Variants in NPEPPS observed in about 807,000 individuals in gnomAD.
NPEPPS encodes the protein aminopeptidase puromycin sensitive, also known as puromycin-sensitive aminopeptidase.
A neutral mutation model predicts 115.5 loss-of-function variants in NPEPPS; 14 were observed. That is an observed-to-expected ratio of 0.12 (90% confidence interval 0.08 to 0.19). The LOEUF (loss-of-function observed/expected upper bound fraction) is 0.19, where lower values mean the gene tolerates loss of function less well. Among genes scored for constraint, NPEPPS ranks in the 10% least tolerant of loss-of-function variants. NPEPPS has a pLI of 1.00. For missense variants in NPEPPS, 523 were observed against 1,110.8 expected (o/e 0.47, Z 7.52); for synonymous variants, 285 against 390.6 (o/e 0.73, Z 3.19).
chr17:47,575,617 A>ATTATTATTT (rs892263245), intron 3 of NPEPPS, among the ~76,000 whole-genome samples: 1 of 141,322 alleles, frequency 7.1e-6, no homozygotes, highest in Non-Finnish European at 1.5e-5. Flanking sequence ...TATTATTATT[A>ATTATTATTT]TTTTTGAGAT....
chr17:47,596,892 AC>A (rs889225384), intron 13 of NPEPPS, among the ~76,000 whole-genome samples: 2 of 152,220 alleles, frequency 1.3e-5, no homozygotes, highest in African/African-American at 4.8e-5. Flanking sequence ...TACTAAAAAT[AC>A]AGAAATTAGC....
chr17:47,568,676 A>G (rs551179184), intron 2 of NPEPPS, among the ~76,000 whole-genome samples: 4 of 150,674 alleles, frequency 2.7e-5, no homozygotes, highest in African/African-American at 9.8e-5. Flanking sequence ...TTTTTTTGAG[A>G]CAGAGTTTCT....
chr17:47,565,020 A>T (rs1348465547), intron 2 of NPEPPS, among the ~76,000 whole-genome samples: 2 of 152,182 alleles, frequency 1.3e-5, no homozygotes, highest in Non-Finnish European at 2.9e-5. Flanking sequence ...ACAGATACTT[A>T]CTGAACACAC....
At chr17:47,554,643 A>AG (rs1366433570) in intron 2 of NPEPPS, among the ~76,000 whole-genome samples, 2 of 152,152 alleles carry the variant, frequency 1.3e-5, no homozygotes, top group Admixed American at 6.6e-5. Flanking sequence ...TACAGGCATG[A>AG]GCCACTGTGC....
At chr17:47,523,565 C>T (rs1451526840) in intron 1 of NPEPPS, among the ~76,000 whole-genome samples, 3 of 152,096 alleles carry the variant, frequency 2.0e-5, no homozygotes, top group Admixed American at 1.3e-4. Flanking sequence ...TGATTACAGG[C>T]ACCCGCCACC....
intron 1 of NPEPPS, among the ~76,000 whole-genome samples, chr17:47,525,978 A>C (rs941967657): frequency 1.3e-5 from 2 of 152,202 alleles, no homozygotes; most frequent in Non-Finnish European, 2.9e-5. Flanking sequence ...TGGGAGGCCG[A>C]AGCAGGCAGA....
intron 2 of NPEPPS, among the ~76,000 whole-genome samples, chr17:47,555,648 T>C (rs1184890955): frequency 6.6e-6 from 1 of 151,798 alleles, no homozygotes; most frequent in East Asian, 1.9e-4. Flanking sequence ...CGCCCGGCCA[T>C]GTATGCTGTT....
At chr17:47,582,196 A>T (rs1210131928) in intron 4 of NPEPPS, 2 of 154,204 alleles carry the variant, frequency 1.3e-5, no homozygotes, top group African/African-American at 4.8e-5. Context: ...AAGTGGCGAC[A>T]GTTTTATGTG....
intron 1 of NPEPPS, among the ~76,000 whole-genome samples, chr17:47,535,511 A>G (rs1416129403): frequency 6.8e-6 from 1 of 146,834 alleles, no homozygotes; most frequent in Non-Finnish European, 1.5e-5. Flanking sequence ...AGATCGCGCC[A>G]CGCACTCCAG....
chr17:47,609,222 A>G (rs1913699563), intron 17 of NPEPPS, among the ~76,000 whole-genome samples: 1 of 152,184 alleles, frequency 6.6e-6, no homozygotes, highest in Non-Finnish European at 1.5e-5. Flanking sequence ...AATAATCAAG[A>G]GGAGTTGAGG....
chr17:47,622,739 A>AT lies in NPEPPS; in HGVS notation c.*820dup. Reference sequence around the variant, plus strand: ...ATTTTTTTCTTTTTAAAGATGACTTATAAGAACCCTGAAATTTATATAGGT... The same window carrying AT: ...ATTTTTTTCTTTTTAAAGATGACTTATTAAGAACCCTGAAATTTATATAGGT... On this transcript the variant is annotated 3_prime_UTR_variant, in exon 23 of 23. Transcript: ENST00000322157. 1 of 400,986 alleles carries AT rather than the reference A, an allele frequency of 2.5e-6. No homozygotes were observed. Among genetic ancestry groups the AT allele is most frequent in the Non-Finnish European group, 4.7e-6 (1 of 211,442 alleles). The allele number at this position is 400,986 out of a possible 1,614,324, so 24.8% of individuals were successfully genotyped here.
intron 2 of NPEPPS, among the ~76,000 whole-genome samples, chr17:47,564,656 A>G (rs1910680560): frequency 6.7e-6 from 1 of 148,328 alleles, no homozygotes; most frequent in Non-Finnish European, 1.5e-5. Context: ...TTACTATAAT[A>G]TATAAATATA....
intron 2 of NPEPPS, among the ~76,000 whole-genome samples, chr17:47,568,970 A>G (rs1449953671): frequency 6.6e-6 from 1 of 152,062 alleles, no homozygotes; most frequent in Non-Finnish European, 1.5e-5. Flanking sequence ...AAAGAATTTT[A>G]CCAGAAGTGG....
chr17:47,613,651 AT>A lies in NPEPPS; in HGVS notation c.2239-12del. 1.3e-6 allele frequency: 2 copies of A among 1,594,190 alleles called. No homozygotes were observed. Among genetic ancestry groups the A allele is most frequent in the Non-Finnish European group, 1.7e-6 (2 of 1,163,930 alleles). Reference sequence around the variant, plus strand: ...CAAGGTACATTTAATCAAATGACTTATTTTTTGTCCCTTGTAGGTCTATCTG... The same window carrying A: ...CAAGGTACATTTAATCAAATGACTTATTTTTGTCCCTTGTAGGTCTATCTG... On this transcript the variant is annotated splice_polypyrimidine_tract_variant and intron_variant, in intron 18 of 22. Coordinates refer to ENST00000322157, the MANE Select transcript of NPEPPS (RefSeq NM_006310.4).
rs1912579425 is a variant in NPEPPS at position 47,592,626 on chromosome 17, G to C, written c.1426+81G>C. The C allele has an allele frequency of 2.3e-5, 29 of 1,263,478 alleles. No individual in the cohort carries two copies. In the South Asian group the frequency reaches 3.8e-4, roughly 17 times the overall value. The allele number at this position is 1,263,478 out of a possible 1,614,324, so 78.3% of individuals were successfully genotyped here. A position where few individuals can be genotyped will look rare whatever the true frequency, so the allele number is the denominator to read the frequency against. ...GGCTGGGACATTTTATTTTTGTTCT[G>C]AATACTTAAGGTCAGGATCCATGTA... On this transcript the variant is annotated intron_variant, in intron 12 of 22. Transcript: ENST00000322157.
intron 2 of NPEPPS, among the ~76,000 whole-genome samples, chr17:47,558,875 A>T (rs934852645): frequency 3.5e-4 from 53 of 152,236 alleles, no homozygotes; most frequent in South Asian, 3.3e-3. Flanking sequence ...TCTACTAAAA[A>T]TACAAAAAAT....
intron 1 of NPEPPS, among the ~76,000 whole-genome samples, chr17:47,543,249 T>G (rs1056605990): frequency 4.0e-5 from 6 of 151,794 alleles, no homozygotes; most frequent in African/African-American, 1.5e-4. Context: ...AAAAGATGCG[T>G]AGTAACCAAT....
At chr17:47,538,112 T>C (rs546767524) in intron 1 of NPEPPS, among the ~76,000 whole-genome samples, 7 of 151,314 alleles carry the variant, frequency 4.6e-5, no homozygotes, top group African/African-American at 1.7e-4. Flanking sequence ...AGGCTGGTCT[T>C]GAACTCCTGA....
At chr17:47,545,392 ATTG>A (rs1254717156) in intron 1 of NPEPPS, among the ~76,000 whole-genome samples, 6 of 152,052 alleles carry the variant, frequency 3.9e-5, no homozygotes, top group Admixed American at 1.3e-4. Context: ...AACATCCATT[ATTG>A]TTTTTAATAT....
Sources: allele counts gnomAD v4.1 joint callset (sites outside exome capture counted in the v4.1 genomes callset), GRCh38; gene constraint gnomAD v4.1.1; transcripts MANE v1.5; gene names NCBI Gene and HGNC (gene_info 2026-07-23, HGNC 2026-07-21).